The following COPS4 variants were observed in gnomAD, a reference collection of about 807,000 sequenced individuals.
COPS4 encodes COP9 signalosome subunit 4.
A neutral mutation model predicts 55.1 loss-of-function variants in COPS4; 8 were observed. That is an observed-to-expected ratio of 0.15 (90% CI 0.09 to 0.26). The LOEUF (loss-of-function observed/expected upper bound fraction) is 0.26. COPS4 is among the 10% of genes least tolerant of loss of function. COPS4 has a pLI of 1.00. For synonymous variants in COPS4, 185 were observed against 165.7 expected (o/e 1.12, Z -0.90); for missense variants, 248 against 484.0 (o/e 0.51, Z 4.58).
intron 1 of COPS4, among the ~76,000 whole-genome samples, chr4:83,040,275 A>G (rs947758225): frequency 1.3e-5 from 2 of 152,170 alleles, no homozygotes; most frequent in Non-Finnish European, 2.9e-5. Context: ...CATTGTAAGC[A>G]TAATTGTATC....
intron 4 of COPS4, among the ~76,000 whole-genome samples, chr4:83,052,894 A>G (rs560491288): frequency 6.6e-6 from 1 of 152,224 alleles, no homozygotes; most frequent in East Asian, 1.9e-4. Context: ...GCCTTGCTTC[A>G]ATATTCTTAA....
At chr4:83,035,431 G>A in intron 1 of COPS4, 133 bp downstream of exon 1, 1 of 652,240 alleles carries the variant, frequency 1.5e-6, no homozygotes, top group Non-Finnish European at 2.5e-6. Flanking sequence ...CGGGCCTGAG[G>A]TCGGCTGGGG....
chr4:83,047,462 G>A (rs1421116104), intron 2 of COPS4, among the ~76,000 whole-genome samples: 1 of 152,128 alleles, frequency 6.6e-6, no homozygotes, highest in East Asian at 1.9e-4. Flanking sequence ...GCTGAGGTGG[G>A]AAGACTGCTT....
At chr4:83,052,450 T>C (rs906373903) in intron 4 of COPS4, among the ~76,000 whole-genome samples, 1 of 152,116 alleles carries the variant, frequency 6.6e-6, no homozygotes, top group Admixed American at 6.6e-5. Context: ...CTGTCCTGTG[T>C]ATTGCAGGAG....
At chr4:83,046,613 T>C (rs896344857) in intron 2 of COPS4, among the ~76,000 whole-genome samples, 5 of 152,204 alleles carry the variant, frequency 3.3e-5, no homozygotes, top group African/African-American at 1.2e-4. Context: ...TTAAAAAGAA[T>C]ACAATCATGT....
At chr4:83,047,382 CG>C (rs1730742291) in intron 2 of COPS4, among the ~76,000 whole-genome samples, 1 of 151,882 alleles carries the variant, frequency 6.6e-6, no homozygotes, top group Non-Finnish European at 1.5e-5. Context: ...GGAGAAATCT[CG>C]TCTCTACAAA....
intron 7 of COPS4, among the ~76,000 whole-genome samples, chr4:83,064,276 A>G (rs750301232): frequency 6.6e-6 from 1 of 152,182 alleles, no homozygotes; most frequent in Non-Finnish European, 1.5e-5. Flanking sequence ...GGTCAAGGCT[A>G]CAGTGAGCCG....
chr4:83,049,183 A>G lies in COPS4; in HGVS notation c.172A>G (p.Ser58Gly). 6.2e-7 allele frequency: 1 copy of G among 1,602,078 alleles called. No homozygotes were observed. The highest frequency in any genetic ancestry group is 8.5e-7 in the Non-Finnish European group (1 of 1,176,706). The change falls in exon 3 of 10, where the codon AGT becomes GGT. Residue 58 changes from serine (S) to glycine (G), a missense_variant. Around this residue, in one of 4 missense-constraint regions of COPS4, gnomAD observed 155 missense variants for 326.6 expected, o/e 0.47. Transcript: ENST00000264389. ...TAAACAAGTGGTAAATGAGAATGTCAGTCTCGTGATCTCGCGGCAGTTGCT... is the reference window on the plus strand; with the variant it reads ...TAAACAAGTGGTAAATGAGAATGTCGGTCTCGTGATCTCGCGGCAGTTGCT... ...FVEAMVNENV[S>G]LVISRQLLTD...
At chr4:83,042,517 ATT>A (rs34745098) in intron 1 of COPS4, among the ~76,000 whole-genome samples, 7 of 145,460 alleles carry the variant, frequency 4.8e-5, no homozygotes, top group Non-Finnish European at 7.5e-5. Context: ...TAATTAATTA[ATT>A]TTTTTTTTTT....
chr4:83,057,017 A>G lies in COPS4; in HGVS notation c.502A>G (p.Ile168Val), dbSNP rs1731031671. Residue 168 changes from isoleucine (I) to valine (V), a missense_variant, in exon 5 of 10, where the codon ATA becomes GTA. Coordinates refer to ENST00000264389, the MANE Select transcript of COPS4 (RefSeq NM_016129.3). ...TGATCCAGTCCAGGCAGAGGCTTAC[A>G]TAAATCGAGCATCGTTGCTTCAGAA... Reference protein sequence around the residue: ...DDDPVQAEAYINRASLLQNES... With the variant: ...DDDPVQAEAYVNRASLLQNES... 1.2e-6 allele frequency: 2 copies of G among 1,613,978 alleles called. No individual in the cohort carries two copies. Among genetic ancestry groups the G allele is most frequent in the South Asian group, 1.1e-5 (1 of 91,086 alleles).
chr4:83,038,734 C>T (rs1730487307), intron 1 of COPS4, among the ~76,000 whole-genome samples: 2 of 152,114 alleles, frequency 1.3e-5, no homozygotes, highest in Non-Finnish European at 2.9e-5. Context: ...CTCTGCCTCC[C>T]GGGTTCAACC....
At chr4:83,045,525 G>A in intron 1 of COPS4, 101 bp from the exon 2 acceptor site, 1 of 917,568 alleles carries the variant, frequency 1.1e-6, no homozygotes, top group Non-Finnish European at 1.7e-6. Context: ...ATAGTACTAT[G>A]AAAGAAACCA....
intron 2 of COPS4, 49 bp downstream of exon 2, chr4:83,045,754 C>G (rs376608461): frequency 8.3e-7 from 1 of 1,211,958 alleles, no homozygotes; most frequent in African/African-American, 1.5e-5. Flanking sequence ...TGAGCTAGGA[C>G]TTTAAAGTTC....
chr4:83,070,899 T>C (rs1414324243), intron 9 of COPS4, among the ~76,000 whole-genome samples: 1 of 152,230 alleles, frequency 6.6e-6, no homozygotes, highest in African/African-American at 2.4e-5. Flanking sequence ...CTGGTCCTGG[T>C]CCTTTCTAGC....
At chr4:83,061,160 T>C (rs143627450) in intron 6 of COPS4, among the ~76,000 whole-genome samples, 2 of 152,310 alleles carry the variant, frequency 1.3e-5, no homozygotes, top group Non-Finnish European at 2.9e-5. Flanking sequence ...TTTGTACTTT[T>C]ATTTTGAACT....
intron 8 of COPS4, among the ~76,000 whole-genome samples, chr4:83,067,039 A>G (rs535105151): frequency 6.6e-5 from 10 of 152,074 alleles, no homozygotes; most frequent in Admixed American, 3.3e-4. Context: ...TTTCTCTGGC[A>G]GTGAAATTTT....
intron 1 of COPS4, among the ~76,000 whole-genome samples, chr4:83,042,012 G>A (rs13110044): frequency 0.18 from 26,946 of 151,380 alleles, 2,572 homozygotes; most frequent in South Asian, 0.3. Context: ...TTACAGGCAC[G>A]TGCCACCACA....
intron 7 of COPS4, chr4:83,064,961 C>T (rs1232264438): frequency 3.2e-6 from 1 of 315,056 alleles, no homozygotes; most frequent in Non-Finnish European, 6.3e-6. Context: ...TGCCATAGCT[C>T]ACTGCAGCCT....
intron 4 of COPS4, among the ~76,000 whole-genome samples, chr4:83,055,733 G>A (rs1234791117): frequency 1.3e-5 from 2 of 151,836 alleles, no homozygotes; most frequent in East Asian, 1.9e-4. Flanking sequence ...GAGCCACCGC[G>A]CCCAGTCTTG....
Sources: allele counts gnomAD v4.1 joint callset (sites outside exome capture counted in the v4.1 genomes callset), GRCh38; gene constraint gnomAD v4.1.1; regional missense constraint gnomAD v4.1.1; transcripts MANE v1.5; gene names NCBI Gene and HGNC (gene_info 2026-07-23, HGNC 2026-07-21).